The following PAICS variants were observed in gnomAD, a reference collection of about 807,000 sequenced individuals.
PAICS encodes the protein bifunctional phosphoribosylaminoimidazole carboxylase/phosphoribosylaminoimidazole succinocarboxamide synthetase.
A neutral mutation model predicts 53.7 loss-of-function variants in PAICS; 33 were observed. The ratio of observed to expected loss-of-function variants is 0.61; its 90% CI spans 0.47 to 0.82. The LOEUF is 0.82. Among genes scored for constraint, PAICS ranks in the 40% least tolerant of loss-of-function variants. The probability of loss-of-function intolerance (pLI) is 0.00; values close to 1 mark genes in which losing one functional copy is unlikely to be tolerated. For missense variants in PAICS, 394 were observed against 494.1 expected (o/e 0.80, Z 1.92); for synonymous variants, 141 against 167.2 (o/e 0.84, Z 1.21).
intron 1 of PAICS, among the ~76,000 whole-genome samples, chr4:56,437,719 C>T (rs551509981): frequency 6.7e-6 from 1 of 149,558 alleles, no homozygotes; most frequent in Admixed American, 6.7e-5. Flanking sequence ...TACTCGGGAA[C>T]CTGAGGCAGG....
At chr4:56,411,864 C>A in the PAICS span, among the ~76,000 whole-genome samples, 1 of 152,144 alleles carries the variant, frequency 6.6e-6, no homozygotes, top group South Asian at 2.1e-4. Flanking sequence ...CTTAAGTTAG[C>A]TATTTTTCAT....
chr4:56,420,940 C>T, the PAICS span: 1 of 149,804 alleles, frequency 6.7e-6, no homozygotes, highest in East Asian at 2.0e-4. Flanking sequence ...TTGAAGTAAC[C>T]AAGTGTCTTC....
At chr4:56,410,973 G>T in the PAICS span, 1 of 934,346 alleles carries the variant, frequency 1.1e-6, no homozygotes, top group Non-Finnish European at 1.3e-6. Context: ...TTTATGAACT[G>T]TAAAAGTTCA....
At chr4:56,432,999 A>T (rs537668650), upstream of PAICS, among the ~76,000 whole-genome samples, 146 of 149,124 alleles carry the variant, frequency 9.8e-4, no homozygotes, top group African/African-American at 2.2e-3. Context: ...CACGTATTTT[A>T]TATATATATA....
upstream of PAICS, among the ~76,000 whole-genome samples, chr4:56,433,905 T>C (rs954650959): frequency 6.6e-6 from 1 of 152,188 alleles, no homozygotes; most frequent in Non-Finnish European, 1.5e-5. Context: ...TTGGCCAGGA[T>C]GGTCTCGATC....
At chr4:56,442,372 A>C (rs1258435426) in intron 2 of PAICS, among the ~76,000 whole-genome samples, 1 of 152,202 alleles carries the variant, frequency 6.6e-6, no homozygotes, top group African/African-American at 2.4e-5. Flanking sequence ...CTAAAACCCC[A>C]GAGCGCCCTC....
rs10001639 is a variant in PAICS at position 56,454,072 on chromosome 4, T to G, written c.1111+311T>G. On this transcript the variant is annotated intron_variant, in intron 8 of 8. Coordinates refer to ENST00000512576, the MANE Select transcript of PAICS (RefSeq NM_001079524.2). Reference sequence around the variant, plus strand: ...AACCAGTACTATCTAAGCCACCAGGTTTTTGAGAAAGAAAGGCTTCCTCTT... The same window carrying G: ...AACCAGTACTATCTAAGCCACCAGGGTTTTGAGAAAGAAAGGCTTCCTCTT... Among the ~76,000 whole-genome samples the G allele has an allele frequency of 6.5e-3, 991 of 152,308 alleles. 13 individuals are homozygous for G. Among genetic ancestry groups the G allele is most frequent in the African/African-American group, 0.023 (937 of 41,544 alleles).
chr4:56,437,256 GGTGTGTGTGTGTGTGTGTGT>G (rs57161391), intron 1 of PAICS, among the ~76,000 whole-genome samples: 11 of 124,400 alleles, frequency 8.8e-5, no homozygotes, highest in East Asian at 6.8e-4. Flanking sequence ...ATGCCATGAT[GGTGTGTGTGTGTGTGTGTGT>G]GTGTGTGTGT....
chr4:56,452,006 G>A lies in PAICS; in HGVS notation c.906G>A (p.Ala302=), dbSNP rs776423311. 2.2e-5 allele frequency: 36 copies of A among 1,608,458 alleles called. No homozygotes were observed. Among genetic ancestry groups the A allele is most frequent in the South Asian group, 1.1e-4 (10 of 89,898 alleles). The change falls in exon 7 of 9, where the codon GCG becomes GCA. Residue 302 remains alanine, a synonymous_variant. Transcript: ENST00000512576. ...CATGTGAACTTCGAGTAACATCTGC[G>A]CATAAAGGACCAGATGAAACTCTGA... ...GIPCELRVTS[A]HKGPDETLRI...
At chr4:56,411,010 T>C in the PAICS span, 1 of 705,234 alleles carries the variant, frequency 1.4e-6, no homozygotes, top group African/African-American at 1.9e-5. Flanking sequence ...ATGATAAATA[T>C]AGACTGAAAT....
intron 2 of PAICS, among the ~76,000 whole-genome samples, chr4:56,442,769 T>C (rs2110083856): frequency 6.6e-6 from 1 of 152,360 alleles, no homozygotes; most frequent in East Asian, 1.9e-4. Context: ...AGCACTAATC[T>C]TTCTTAAATT....
At position 56,459,758 on chromosome 4, in the gene PAICS, T is replaced by G; in HGVS notation, c.*220T>G. 2.3e-6 allele frequency: 1 copy of G among 436,874 alleles called. No individual in the cohort carries two copies. The highest frequency in any genetic ancestry group is 4.1e-6 in the Non-Finnish European group (1 of 242,752). 27.1% of individuals were successfully genotyped at this position (436,874 alleles called of 1,614,324 possible). On this transcript the variant is annotated 3_prime_UTR_variant, in exon 9 of 9. Transcript: ENST00000512576. ...TATTTCAGCCAGCCTTTATCATTCC[T>G]CTTACTTTATCCTTTTTCCTTAAGT...
chr4:56,435,639 G>A (rs1462689190), upstream of PAICS: 1 of 1,441,632 alleles, frequency 6.9e-7, no homozygotes, highest in South Asian at 1.4e-5. Flanking sequence ...CTGTCCCTAG[G>A]TGGCGTGGCC....
chr4:56,444,983 G>A (rs1488381321), intron 2 of PAICS, among the ~76,000 whole-genome samples: 2 of 152,112 alleles, frequency 1.3e-5, no homozygotes, highest in African/African-American at 4.8e-5. Flanking sequence ...GAAGTCACCT[G>A]TCTATCCATG....
chr4:56,458,571 G>A (rs1341359381), intron 8 of PAICS, among the ~76,000 whole-genome samples: 1 of 152,192 alleles, frequency 6.6e-6, no homozygotes, highest in Non-Finnish European at 1.5e-5. Flanking sequence ...CACATATTAA[G>A]GGGTGGAGCT....
At chr4:56,439,070 A>T (rs1191034967) in intron 1 of PAICS, among the ~76,000 whole-genome samples, 1 of 152,042 alleles carries the variant, frequency 6.6e-6, no homozygotes, top group Non-Finnish European at 1.5e-5. Context: ...GTTGTTTCTT[A>T]TGTTGTTTCT....
rs6843587 is a variant in PAICS, at chr4:56,463,579, A to G, written c.*4041A>G. 0.4 allele frequency: 60,843 copies of G among 150,756 alleles called. 13,404 individuals carry two copies. The highest frequency in any genetic ancestry group is 0.66 in the East Asian group (3,329 of 5,030). 9.3% of individuals were successfully genotyped at this position (150,756 alleles called of 1,614,324 possible). The stretch of plus-strand genomic sequence containing the variant: ...ATGGTGGTGCATGCCTATAATTCCA[A>G]CTACTCGGGAGGCTGAGGCAGGAGA... On this transcript the variant is annotated 3_prime_UTR_variant, in exon 9 of 9. Transcript: ENST00000512576.
the PAICS span, among the ~76,000 whole-genome samples, chr4:56,428,304 G>A: frequency 2.0e-5 from 3 of 152,100 alleles, no homozygotes; most frequent in Non-Finnish European, 4.4e-5. Context: ...GTAACACAGA[G>A]GCCGGAAAAT....
intron 5 of PAICS, among the ~76,000 whole-genome samples, chr4:56,449,805 CAAA>C (rs753536092): frequency 1.3e-4 from 12 of 92,586 alleles, no homozygotes; most frequent in African/African-American, 1.2e-4. Flanking sequence ...AACCTTGTCT[CAAA>C]AAAAAAAAAA....
Sources: gnomAD v4.1 joint callset for allele counts (sites outside exome capture counted in the v4.1 genomes callset) on GRCh38, gnomAD v4.1.1 for gene constraint, MANE v1.5 for transcripts, NCBI Gene and HGNC (gene_info 2026-07-23, HGNC 2026-07-21) for gene names.